Variants in KANK1 observed in about 807,000 individuals in gnomAD.
KANK1 encodes the protein KN motif and ankyrin repeat domains 1.
In KANK1, 109 loss-of-function variants were observed where a neutral mutation model predicts 106.2. That is an observed-to-expected ratio of 1.03 (90% CI 0.88 to 1.20). The LOEUF is 1.20. KANK1 is among the 50% of genes most tolerant of loss of function. KANK1 has a pLI of 0.00. For synonymous variants in KANK1, 873 were observed against 652.2 expected, an observed-to-expected ratio of 1.34 and a Z score of -5.16; for missense variants, 2,399 against 1,710.7, an observed-to-expected ratio of 1.40 and a Z score of -7.10.
At chr9:608,754 C>T (rs997222032) in intron 1 of KANK1, among the ~76,000 whole-genome samples, 1 of 152,142 alleles carries the variant, frequency 6.6e-6, no homozygotes, top group East Asian at 1.9e-4. Flanking sequence ...TGAAGAGCTA[C>T]CTAGATGAAG....
rs764602223 is a variant in KANK1, at chr9:740,906, G to T, written c.3668G>T (p.Cys1223Phe). The change falls in exon 9 of 12, where the codon TGT (cysteine) becomes TTT (phenylalanine). Residue 1223 changes from cysteine to phenylalanine, a missense_variant. Cys to Phe is a radical substitution (Grantham distance 205). Transcript: ENST00000382297. ...CGGATTGTGGAAGAACTCTTCGGCT[G>T]TGGGGATGTGAATGCCAAAGCTAGT... is the stretch of plus-strand genomic sequence containing the variant. ...DMRIVEELFGCGDVNAKASQA... is the reference protein window; with the variant it reads ...DMRIVEELFGFGDVNAKASQA... 6.2e-7 allele frequency: 1 copy of T among 1,614,220 alleles called. No homozygotes were observed. The highest frequency in any genetic ancestry group is 1.1e-5 in the South Asian group (1 of 91,084).
At chr9:535,844 T>C (rs2060273332) in intron 1 of KANK1, among the ~76,000 whole-genome samples, 1 of 152,254 alleles carries the variant, frequency 6.6e-6, no homozygotes, top group Non-Finnish European at 1.5e-5. Flanking sequence ...TTATTGTTTA[T>C]ATTTCTATTA....
rs2059699439 is a variant in KANK1 at position 524,618 on chromosome 9, A to G, written c.-84+19864A>G. On this transcript the variant is annotated intron_variant, in intron 1 of 11. Transcript: ENST00000382297. ...CTGCAACCTCCGCCTCCCAGGTTCA[A>G]GCGATTCTTTTGCCTCAGCCTTCCA... Among the ~76,000 whole-genome samples, 3 of 151,486 alleles carry G rather than the reference A, an allele frequency of 2.0e-5. 1 individual carries two copies. Among genetic ancestry groups the G allele is most frequent in the African/African-American group, 7.3e-5 (3 of 40,896 alleles).
chr9:583,217 G>A (rs1387900104), intron 1 of KANK1, among the ~76,000 whole-genome samples: 1 of 152,034 alleles, frequency 6.6e-6, no homozygotes, highest in African/African-American at 2.4e-5. Context: ...TCAATACAGA[G>A]CTTATTTGTA....
intron 6 of KANK1, chr9:733,784 C>G (rs1033925889): frequency 6.6e-6 from 1 of 151,950 alleles, no homozygotes; most frequent in African/African-American, 2.4e-5. Flanking sequence ...ATTTGGGTCT[C>G]CTTCAACCCC....
At chr9:742,752 G>C (rs1589369024) in intron 10 of KANK1, among the ~76,000 whole-genome samples, 1 of 152,140 alleles carries the variant, frequency 6.6e-6, no homozygotes, top group Non-Finnish European at 1.5e-5. Context: ...ACTTCTGACA[G>C]GTGCACTTGG....
Position 481,863 on chromosome 9 carries a change from A to G in KANK1, c.-362+8590A>G, listed in dbSNP as rs78833225. Among the ~76,000 whole-genome samples the G allele has an allele frequency of 1.9e-3, 295 of 151,800 alleles. 3 individuals are homozygous for G. The highest frequency in any genetic ancestry group is 6.7e-3 in the African/African-American group (278 of 41,352). ...TGTCTCTAAAAAAAAAAAATAAAGGATGAACATTCAGCTAAATGGAGAGTG... is the reference window on the plus strand; with the variant it reads ...TGTCTCTAAAAAAAAAAAATAAAGGGTGAACATTCAGCTAAATGGAGAGTG... On this transcript the variant is annotated intron_variant, in intron 3 of 15. Transcript: ENST00000382303.
intron 1 of KANK1, among the ~76,000 whole-genome samples, chr9:516,997 C>CCACACA (rs2059306734): frequency 1.3e-5 from 1 of 74,972 alleles, no homozygotes; most frequent in East Asian, 5.5e-4. Flanking sequence ...TCATCACCCT[C>CCACACA]TACACACACA....
At chr9:585,896 G>A (rs1823339619) in intron 1 of KANK1, among the ~76,000 whole-genome samples, 1 of 152,126 alleles carries the variant, frequency 6.6e-6, no homozygotes, top group African/African-American at 2.4e-5. Flanking sequence ...GATAATGGAA[G>A]AACTGAAGGT....
At chr9:581,914 G>C (rs181127153) in intron 1 of KANK1, among the ~76,000 whole-genome samples, 2 of 152,244 alleles carry the variant, frequency 1.3e-5, no homozygotes, top group African/African-American at 2.4e-5. Flanking sequence ...CTGCCACTCA[G>C]AGTTTCACAG....
chr9:660,006 C>G, intron 1 of KANK1: 1 of 293,740 alleles, frequency 3.4e-6, no homozygotes, highest in Non-Finnish European at 6.9e-6. Flanking sequence ...TCCAGAACCT[C>G]CACTCTTTCC....
chr9:708,908 AC>A (rs1462190288), intron 2 of KANK1, among the ~76,000 whole-genome samples: 1 of 152,152 alleles, frequency 6.6e-6, no homozygotes, highest in Non-Finnish European at 1.5e-5. Context: ...AATAAAAATG[AC>A]CTTGCTTTTA....
chr9:472,929 G>T (rs2058046103), intron 2 of KANK1, among the ~76,000 whole-genome samples: 1 of 152,196 alleles, frequency 6.6e-6, no homozygotes, highest in Non-Finnish European at 1.5e-5. Flanking sequence ...ACCAGTAGAA[G>T]AACCCAGCTC....
upstream of KANK1, among the ~76,000 whole-genome samples, chr9:500,939 A>T (rs908770030): frequency 6.6e-6 from 1 of 152,234 alleles, no homozygotes; most frequent in African/African-American, 2.4e-5. Flanking sequence ...AAGAGAGGTC[A>T]AAGTTACAAA....
Position 731,346 on chromosome 9 carries a change from A to G in KANK1, c.3005+80A>G, listed in dbSNP as rs1832200859. The stretch of plus-strand genomic sequence containing the variant: ...GCCTAAGTCACATTTCAAGGCGCCT[A>G]GTCGGGGAAGCGGCCACAGCGCAGT... On this transcript the variant is annotated intron_variant, in intron 5 of 11. Coordinates refer to ENST00000382297, the MANE Select transcript of KANK1 (RefSeq NM_015158.5). The G allele has an allele frequency of 3.8e-6, 3 of 794,264 alleles. 1 individual carries two copies. Among genetic ancestry groups the G allele is most frequent in the South Asian group, 3.2e-5 (2 of 62,084 alleles). 49.2% of individuals were successfully genotyped at this position (794,264 alleles called of 1,614,324 possible).
At chr9:593,241 C>A (rs1482988799) in intron 1 of KANK1, among the ~76,000 whole-genome samples, 2 of 151,784 alleles carry the variant, frequency 1.3e-5, no homozygotes, top group East Asian at 1.9e-4. Context: ...GATTATTATT[C>A]TTTTCCTTAT....
At chr9:660,166 G>A (rs1348292649) in intron 1 of KANK1, 2 of 314,752 alleles carry the variant, frequency 6.4e-6, no homozygotes, top group Non-Finnish European at 6.6e-6. Flanking sequence ...AGAAACCAAT[G>A]AAGGCATTTA....
rs144128427 is a variant in KANK1, at chr9:635,292, G to A, written c.-83-41598G>A. ...GCCCCCCAGGCCTATACCCGAGTTC[G>A]CTTTGCTCCATGGAACTTTCCTTGC... On this transcript the variant is annotated intron_variant, in intron 1 of 11. Coordinates refer to ENST00000382297, the MANE Select transcript of KANK1 (RefSeq NM_015158.5). 3.9e-5 allele frequency among the ~76,000 whole-genome samples: 6 copies of A among 152,134 alleles called. No individual in the cohort carries two copies. The East Asian group carries it at 9.7e-4, about 24-fold the overall frequency.
intron 2 of KANK1, among the ~76,000 whole-genome samples, chr9:682,337 C>G (rs1258312877): frequency 6.6e-6 from 1 of 151,148 alleles, no homozygotes; most frequent in Non-Finnish European, 1.5e-5. Flanking sequence ...TGACAGGAAA[C>G]CAGAAGAGAA....
Sources: gnomAD v4.1 joint callset for allele counts (sites outside exome capture counted in the v4.1 genomes callset) on GRCh38, gnomAD v4.1.1 for gene constraint, MANE v1.5 for transcripts, NCBI Gene and HGNC (gene_info 2026-07-23, HGNC 2026-07-21) for gene names.